Variants in KCNAB1 observed in about 807,000 individuals in gnomAD.
KCNAB1 encodes voltage-gated potassium channel subunit beta-1.
KCNAB1 carries 35 observed loss-of-function variants against 64.6 expected under a neutral mutation model. The ratio of observed to expected loss-of-function variants is 0.54; its 90% confidence interval spans 0.41 to 0.72. KCNAB1 has a LOEUF of 0.72. KCNAB1 is among the 30% of genes least tolerant of loss of function. The pLI, the probability that KCNAB1 is intolerant of heterozygous loss-of-function variation, is 0.00. For synonymous variants in KCNAB1, 177 were observed against 183.8 expected (o/e 0.96, Z 0.30); for missense variants, 401 against 512.9 (o/e 0.78, Z 2.11).
Position 156,463,687 on chromosome 3 carries a change from C to G in KCNAB1, c.483-15C>G, listed in dbSNP as rs1713117541. On this transcript the variant is annotated splice_polypyrimidine_tract_variant and intron_variant, in intron 5 of 13. Transcript: ENST00000490337. ...TTATTTACTACTTCTCTGTGTTTGT[C>G]TTTTTGATATACAGGAGGTCCAGTC... The G allele has an allele frequency of 1.3e-6, 2 of 1,591,176 alleles. No individual in the cohort carries two copies. The highest frequency in any genetic ancestry group is 2.3e-5 in the South Asian group (2 of 87,348).
At chr3:156,475,366 A>G (rs1174079900) in intron 8 of KCNAB1, among the ~76,000 whole-genome samples, 1 of 152,196 alleles carries the variant, frequency 6.6e-6, no homozygotes, top group Non-Finnish European at 1.5e-5. Flanking sequence ...TTTGAGGACC[A>G]CAGTTTAAGC....
intron 1 of KCNAB1, among the ~76,000 whole-genome samples, chr3:156,181,498 T>G (rs903271516): frequency 1.3e-5 from 2 of 152,190 alleles, no homozygotes; most frequent in African/African-American, 4.8e-5. Flanking sequence ...GGACTGTCAA[T>G]CAAACAATGA....
At chr3:156,352,782 A>T (rs1320666143) in intron 1 of KCNAB1, among the ~76,000 whole-genome samples, 1 of 152,192 alleles carries the variant, frequency 6.6e-6, no homozygotes, top group African/African-American at 2.4e-5. Context: ...CACAGGAAAA[A>T]GGCTTTGGGC....
chr3:156,463,080 A>AT (rs1210898502), intron 5 of KCNAB1, among the ~76,000 whole-genome samples: 3 of 151,996 alleles, frequency 2.0e-5, no homozygotes, highest in South Asian at 2.1e-4. Context: ...ACTCAAAGAC[A>AT]TTTTTTTCCT....
intron 2 of KCNAB1, among the ~76,000 whole-genome samples, chr3:156,449,335 T>C (rs182234399): frequency 1.1e-4 from 16 of 152,318 alleles, no homozygotes; most frequent in African/African-American, 3.8e-4. Context: ...ATGTACAGAA[T>C]GCAGCCTTAA....
At chr3:156,158,183 TAAATAA>T (rs1715858716) in intron 1 of KCNAB1, among the ~76,000 whole-genome samples, 1 of 31,978 alleles carries the variant, frequency 3.1e-5, no homozygotes, top group Non-Finnish European at 7.1e-5. Context: ...AAATAAAAAA[TAAATAA>T]ATAAATAAAT....
At chr3:156,509,422 C>A (rs187448344) in intron 8 of KCNAB1, among the ~76,000 whole-genome samples, 1 of 152,110 alleles carries the variant, frequency 6.6e-6, no homozygotes, top group Non-Finnish European at 1.5e-5. Context: ...AGGAGCTACA[C>A]CCTGAGACCA....
chr3:156,471,482 TCTC>T (rs1713886553), intron 7 of KCNAB1, among the ~76,000 whole-genome samples: 1 of 152,222 alleles, frequency 6.6e-6, no homozygotes, highest in African/African-American at 2.4e-5. Flanking sequence ...TTCTCCTGCT[TCTC>T]CTGTTTTCCT....
At chr3:156,447,089 C>T (rs1285748977) in intron 2 of KCNAB1, among the ~76,000 whole-genome samples, 1 of 152,144 alleles carries the variant, frequency 6.6e-6, no homozygotes, top group Non-Finnish European at 1.5e-5. Flanking sequence ...CAGATAAGCG[C>T]CTGGTGAGCC....
chr3:156,290,109 A>T (rs927642308), intron 1 of KCNAB1, among the ~76,000 whole-genome samples: 1 of 152,194 alleles, frequency 6.6e-6, no homozygotes, highest in African/African-American at 2.4e-5. Flanking sequence ...ATGAATCAAA[A>T]TGAACAACTT....
intron 2 of KCNAB1, chr3:156,441,573 T>C (rs1576870613): frequency 6.6e-6 from 1 of 152,190 alleles, no homozygotes; most frequent in South Asian, 2.1e-4. Context: ...AAGAAGATAT[T>C]GAAAATATTT....
At chr3:156,350,055 C>G (rs1169816565) in intron 1 of KCNAB1, among the ~76,000 whole-genome samples, 1 of 152,122 alleles carries the variant, frequency 6.6e-6, no homozygotes, top group Non-Finnish European at 1.5e-5. Context: ...GCTGAGTGTT[C>G]TATTTTACAT....
intron 1 of KCNAB1, chr3:156,292,204 G>T: frequency 6.6e-7 from 1 of 1,521,432 alleles, no homozygotes; most frequent in Non-Finnish European, 9.0e-7. Context: ...CATCGGTTTT[G>T]AAAAGTGATT....
chr3:156,160,776 G>A (rs922229068), intron 1 of KCNAB1, among the ~76,000 whole-genome samples: 2 of 152,210 alleles, frequency 1.3e-5, no homozygotes, highest in African/African-American at 4.8e-5. Context: ...TTAGCAGGAT[G>A]TGTTCTGCAT....
At chr3:156,177,251 A>G (rs1331236958) in intron 1 of KCNAB1, among the ~76,000 whole-genome samples, 7 of 152,206 alleles carry the variant, frequency 4.6e-5, no homozygotes, top group South Asian at 2.1e-4. Flanking sequence ...CATCTCCCCA[A>G]TCACGTTATG....
chr3:156,223,496 T>TC (rs1291666944), intron 1 of KCNAB1, among the ~76,000 whole-genome samples: 3 of 152,184 alleles, frequency 2.0e-5, no homozygotes, highest in Non-Finnish European at 4.4e-5. Context: ...GTGCTCCAAG[T>TC]CCCCACTAGA....
intron 1 of KCNAB1, among the ~76,000 whole-genome samples, chr3:156,404,371 T>C (rs1175541730): frequency 6.6e-6 from 1 of 152,190 alleles, no homozygotes. Flanking sequence ...TTGATTTTAC[T>C]ACAAAGTCTG....
At chr3:156,529,547 G>C (rs1021772736) in intron 12 of KCNAB1, among the ~76,000 whole-genome samples, 4 of 151,698 alleles carry the variant, frequency 2.6e-5, no homozygotes, top group Non-Finnish European at 5.9e-5. Context: ...GCATTACCTA[G>C]GAGTGTGTTA....
At chr3:156,160,244 G>T (rs1480557513) in intron 1 of KCNAB1, among the ~76,000 whole-genome samples, 1 of 152,190 alleles carries the variant, frequency 6.6e-6, no homozygotes, top group African/African-American at 2.4e-5. Context: ...TGCACTAAAT[G>T]CTTGTTTTAA....
Sources: gnomAD v4.1 joint callset for allele counts (sites outside exome capture counted in the v4.1 genomes callset) on GRCh38, gnomAD v4.1.1 for gene constraint, MANE v1.5 for transcripts, NCBI Gene and HGNC (gene_info 2026-07-23, HGNC 2026-07-21) for gene names.